The following CLEC16A variants were observed in gnomAD, a reference collection of about 807,000 sequenced individuals.
CLEC16A encodes protein CLEC16A.
Under a neutral mutation model 109.5 loss-of-function variants are expected in CLEC16A, and 51 were observed. That is an observed-to-expected ratio of 0.47 (90% CI 0.37 to 0.59). The LOEUF is 0.59. CLEC16A is among the 20% of genes least tolerant of loss of function. CLEC16A has a pLI of 0.00. For missense variants in CLEC16A, 1,339 were observed against 1,394.0 expected, an observed-to-expected ratio of 0.96 and a Z score of 0.63; for synonymous variants, 673 against 564.2, an observed-to-expected ratio of 1.19 and a Z score of -2.73.
intron 22 of CLEC16A, among the ~76,000 whole-genome samples, chr16:11,154,792 TGG>T (rs1597585824): frequency 1.3e-5 from 2 of 152,210 alleles, no homozygotes; most frequent in East Asian, 3.9e-4. Context: ...ACAGGTGTGG[TGG>T]CAGTTGCCTA....
intron 18 of CLEC16A, among the ~76,000 whole-genome samples, chr16:11,060,445 G>T (rs1478453406): frequency 6.6e-6 from 1 of 152,192 alleles, no homozygotes; most frequent in African/African-American, 2.4e-5. Flanking sequence ...AATGCTTTTG[G>T]AGTGATTGGG....
intron 19 of CLEC16A, among the ~76,000 whole-genome samples, chr16:11,092,381 C>T (rs1160255807): frequency 6.6e-6 from 1 of 150,472 alleles, no homozygotes; most frequent in Non-Finnish European, 1.5e-5. Context: ...CACACACACA[C>T]ACACACACAC....
At chr16:11,070,317 G>C (rs549722721) in intron 19 of CLEC16A, among the ~76,000 whole-genome samples, 1 of 151,676 alleles carries the variant, frequency 6.6e-6, no homozygotes, top group Non-Finnish European at 1.5e-5. Flanking sequence ...TGATCCGCCC[G>C]CCTCGGCCTC....
At chr16:11,123,441 G>C (rs556969838) in intron 20 of CLEC16A, among the ~76,000 whole-genome samples, 3 of 152,216 alleles carry the variant, frequency 2.0e-5, no homozygotes, top group Non-Finnish European at 4.4e-5. Context: ...AGAGGCTTGT[G>C]GGGGTACGCT....
At chr16:11,109,399 C>A (rs2051430186) in intron 19 of CLEC16A, among the ~76,000 whole-genome samples, 1 of 152,162 alleles carries the variant, frequency 6.6e-6, no homozygotes, top group South Asian at 2.1e-4. Flanking sequence ...AGTAATCCTC[C>A]CGCCTTGGCC....
At chr16:11,140,310 G>C (rs1280351924) in intron 22 of CLEC16A, among the ~76,000 whole-genome samples, 6 of 152,230 alleles carry the variant, frequency 3.9e-5, no homozygotes, top group African/African-American at 1.4e-4. Flanking sequence ...GTGGCAGGAA[G>C]AGTCAGTGTG....
intron 22 of CLEC16A, chr16:11,156,792 C>A: frequency 1.6e-6 from 1 of 640,332 alleles, no homozygotes; most frequent in Non-Finnish European, 2.5e-6. Context: ...CAAGGTTGCA[C>A]CACTGCGAGA....
At position 10,979,367 on chromosome 16, in the gene CLEC16A, T is replaced by G. The variant is rs1161828463; in HGVS notation, c.942T>G (p.Leu314=). 1 of 1,613,104 alleles carries G rather than the reference T, an allele frequency of 6.2e-7. No homozygotes were observed. Among genetic ancestry groups the G allele is most frequent in the Admixed American group, 1.7e-5 (1 of 59,942 alleles). Residue 314 remains leucine (L), a synonymous_variant, in exon 9 of 24, where the codon CTT becomes CTG. Coordinates refer to ENST00000409790, the MANE Select transcript of CLEC16A (RefSeq NM_015226.3). The part of the protein sequence containing the change: ...ERPKISLPVS[L]YLLSQVFLII... Reference sequence around the variant, plus strand: ...CGAAAATTAGCCTGCCGGTGTCTCTTTATCTTCTGTCACAGGTATGCTTGA... The same window carrying G: ...CGAAAATTAGCCTGCCGGTGTCTCTGTATCTTCTGTCACAGGTATGCTTGA...
intron 12 of CLEC16A, among the ~76,000 whole-genome samples, chr16:11,021,934 G>T (rs1215297086): frequency 6.6e-6 from 1 of 152,154 alleles, no homozygotes; most frequent in Non-Finnish European, 1.5e-5. Context: ...AAACACCCAT[G>T]TATTTCTCCC....
chr16:11,168,270 C>T (rs2068357000), intron 23 of CLEC16A, among the ~76,000 whole-genome samples: 1 of 152,122 alleles, frequency 6.6e-6, no homozygotes, highest in African/African-American at 2.4e-5. Context: ...GCCCCTCTGT[C>T]CCTACCCCCA....
intron 11 of CLEC16A, among the ~76,000 whole-genome samples, chr16:11,017,040 G>T (rs900357670): frequency 5.9e-5 from 9 of 151,836 alleles, no homozygotes; most frequent in African/African-American, 2.2e-4. Context: ...GGTGCCTGCA[G>T]GTACAGTCAT....
intron 17 of CLEC16A, chr16:11,047,599 A>G: frequency 3.2e-6 from 1 of 316,086 alleles, no homozygotes; most frequent in Non-Finnish European, 5.8e-6. Context: ...TTTTGGGGAC[A>G]GTATCATTTT....
intron 22 of CLEC16A, among the ~76,000 whole-genome samples, chr16:11,145,764 C>T (rs1318689955): frequency 6.6e-6 from 1 of 152,250 alleles, no homozygotes; most frequent in Non-Finnish European, 1.5e-5. Context: ...CTCAGCCCCA[C>T]TGTTGCTCTC....
chr16:11,177,991 T>G (rs75026272), intron 23 of CLEC16A, among the ~76,000 whole-genome samples: 2,127 of 152,178 alleles, frequency 0.014, 55 homozygotes, highest in African/African-American at 0.049. Flanking sequence ...CAGGCAGGCC[T>G]GAGATTTGCC....
intron 23 of CLEC16A, among the ~76,000 whole-genome samples, chr16:11,170,517 G>C (rs1207411751): frequency 1.3e-5 from 2 of 152,178 alleles, no homozygotes; most frequent in African/African-American, 2.4e-5. Context: ...TTCCCGTGGG[G>C]ACCTCAGCCT....
intron 11 of CLEC16A, among the ~76,000 whole-genome samples, chr16:11,013,854 G>A (rs1228797547): frequency 6.6e-6 from 1 of 152,038 alleles, no homozygotes; most frequent in South Asian, 2.1e-4. Context: ...CAGGAGAATT[G>A]CTTGAACTTG....
Position 11,040,138 on chromosome 16 carries a change from T to A in CLEC16A, c.1660+262T>A. The A allele has an allele frequency of 6.9e-6, 3 of 432,002 alleles. No homozygotes were observed. In the South Asian group the frequency reaches 1.4e-4, roughly 20 times the overall value. 26.8% of individuals were successfully genotyped at this position (432,002 alleles called of 1,614,324 possible). The stretch of plus-strand genomic sequence containing the variant: ...TTCTTCTTCCACACCCCGCCCTTCT[T>A]TTGCTGAGATTGTCAATGTTTTCGC... On this transcript the variant is annotated intron_variant, in intron 14 of 23. Transcript: ENST00000409790.
intron 19 of CLEC16A, among the ~76,000 whole-genome samples, chr16:11,063,176 A>G (rs1187548349): frequency 6.6e-6 from 1 of 152,028 alleles, no homozygotes; most frequent in Non-Finnish European, 1.5e-5. Context: ...GTCTTTTGCT[A>G]AGGAGGGCGA....
At chr16:11,033,739 C>G (rs2046873915) in intron 13 of CLEC16A, among the ~76,000 whole-genome samples, 1 of 152,174 alleles carries the variant, frequency 6.6e-6, no homozygotes, top group South Asian at 2.1e-4. Context: ...AATGTGAGCT[C>G]AGGCCTTCCA....
Sources: allele counts gnomAD v4.1 joint callset (sites outside exome capture counted in the v4.1 genomes callset), GRCh38; gene constraint gnomAD v4.1.1; transcripts MANE v1.5; gene names NCBI Gene and HGNC (gene_info 2026-07-23, HGNC 2026-07-21).